Variants in DLC1 observed in about 807,000 individuals in gnomAD.
DLC1 encodes the protein DLC1 Rho GTPase activating protein.
A neutral mutation model predicts 140.3 loss-of-function variants in DLC1; 54 were observed. The observed-to-expected ratio is 0.38, with a 90% CI of 0.31 to 0.48. The LOEUF is 0.48. Among genes scored for constraint, DLC1 ranks in the 20% least tolerant of loss-of-function variants. The pLI is 0.96. For synonymous variants in DLC1, 986 were observed against 728.1 expected (o/e 1.35, Z -5.70); for missense variants, 2,536 against 1,907.0 (o/e 1.33, Z -6.14).
intron 2 of DLC1, among the ~76,000 whole-genome samples, chr8:13,405,939 TTC>T (rs1491585128): frequency 7.1e-6 from 1 of 140,910 alleles, no homozygotes; most frequent in Admixed American, 7.3e-5. Context: ...CTTTCTTTCT[TTC>T]TTTCTTTCTT....
intron 1 of DLC1, among the ~76,000 whole-genome samples, chr8:13,576,664 G>A (rs939068905): frequency 2.0e-5 from 3 of 151,790 alleles, no homozygotes; most frequent in Non-Finnish European, 2.9e-5. Context: ...GCAGAGAAAT[G>A]CCTATCTTCT....
chr8:13,427,406 T>G (rs1053176580), intron 2 of DLC1, among the ~76,000 whole-genome samples: 1 of 152,192 alleles, frequency 6.6e-6, no homozygotes. Flanking sequence ...TCCTTGACCC[T>G]GCATCATCAT....
rs117652752 is a variant in DLC1, at chr8:13,521,023, T to C, written c.-125-20827A>G. On this transcript the variant is annotated intron_variant, in intron 1 of 1. Transcript: ENST00000631382. The stretch of plus-strand genomic sequence containing the variant: ...ATTGCCCAGCCCATGAGTGATAGAC[T>C]GGTTAAAGAAAACGTGGTCCATATA... 1.4e-3 allele frequency among the ~76,000 whole-genome samples: 210 copies of C among 152,258 alleles called. 6 individuals are homozygous for C. In the East Asian group the frequency reaches 0.027, roughly 19 times the overall value.
In DLC1 at chr8:13,257,095, C is replaced by T. The variant is rs1586017010; in HGVS notation, c.1348+48174G>A. ...GATCGAGACCAAGTTCCACCCTAAA[C>T]TTCTGTAGCACTGCAATCAGGATGC... On this transcript the variant is annotated intron_variant, in intron 5 of 17. Transcript: ENST00000276297. Among the ~76,000 whole-genome samples, 12 of 152,146 alleles carry T rather than the reference C, an allele frequency of 7.9e-5. No individual in the cohort carries two copies. The South Asian group carries it at 2.5e-3, about 32-fold the overall frequency.
At position 13,579,315 on chromosome 8, in the gene DLC1, TTATATATA is replaced by T. The variant is rs369773134; in HGVS notation, c.-126+25214_-126+25221del. Among the ~76,000 whole-genome samples the T allele has an allele frequency of 7.0e-3, 75 of 10,656 alleles. 6 individuals carry two copies. Among genetic ancestry groups the T allele is most frequent in the African/African-American group, 0.021 (61 of 2,892 alleles). 7.0% of individuals were successfully genotyped at this position (10,656 alleles called of 152,430 possible). A position where few individuals can be genotyped will look rare whatever the true frequency, so the allele number is the denominator to read the frequency against. The stretch of plus-strand genomic sequence containing the variant: ...AAAGTCAGATACCACAGGTCTGACT[TTATATATA>T]TATATATATATATATATATATATAT... On this transcript the variant is annotated intron_variant, in intron 1 of 1. Transcript: ENST00000631382.
At chr8:13,464,985 G>A (rs556338412) in intron 2 of DLC1, among the ~76,000 whole-genome samples, 1 of 151,770 alleles carries the variant, frequency 6.6e-6, no homozygotes, top group Non-Finnish European at 1.5e-5. Context: ...TCCCACCTCA[G>A]CCTCCTGAGT....
chr8:13,571,196 C>G (rs80140765), intron 1 of DLC1, among the ~76,000 whole-genome samples: 5,592 of 151,742 alleles, frequency 0.037, 322 homozygotes, highest in African/African-American at 0.13. Context: ...CTTTTTTTTC[C>G]TTTTGTTTTT....
intron 5 of DLC1, among the ~76,000 whole-genome samples, chr8:13,116,926 C>G (rs1820602164): frequency 6.6e-6 from 1 of 152,198 alleles, no homozygotes; most frequent in Admixed American, 6.5e-5. Flanking sequence ...TTATTCAACC[C>G]AAGACTTAGG....
Position 13,118,625 on chromosome 8 carries a change from C to T in DLC1, c.1349-2968G>A, listed in dbSNP as rs184667714. On this transcript the variant is annotated intron_variant, in intron 5 of 17. Coordinates refer to ENST00000276297, the MANE Select transcript of DLC1 (RefSeq NM_182643.3). ...GAAAATGGAATACTTGTTGACCTCA[C>T]GCCTACACTTTCCAATTCATAGGTC... is the stretch of plus-strand genomic sequence containing the variant. 5.4e-4 allele frequency among the ~76,000 whole-genome samples: 82 copies of T among 152,274 alleles called. No individual in the cohort carries two copies. In the East Asian group the frequency reaches 7.3e-3, roughly 14 times the overall value.
At chr8:13,352,558 T>C (rs1834726386) in intron 4 of DLC1, among the ~76,000 whole-genome samples, 1 of 151,966 alleles carries the variant, frequency 6.6e-6, no homozygotes, top group African/African-American at 2.4e-5. Flanking sequence ...ATTTTTTATT[T>C]TTTGTAGAGA....
rs181558893 is a variant in DLC1, at chr8:13,254,923, C to G, written c.1348+50346G>C. Among the ~76,000 whole-genome samples the G allele has an allele frequency of 9.8e-4, 149 of 152,220 alleles. 1 individual carries two copies. The highest frequency in any genetic ancestry group is 9.4e-3 in the Admixed American group (144 of 15,276). ...GGGGATCTGGATTTTAATTCTGACTCCTTGAGTTACTATATGATCTTGGAA... is the reference window on the plus strand; with the variant it reads ...GGGGATCTGGATTTTAATTCTGACTGCTTGAGTTACTATATGATCTTGGAA... On this transcript the variant is annotated intron_variant, in intron 5 of 17. Transcript: ENST00000276297.
chr8:13,505,454 C>G (rs1802015612), intron 1 of DLC1, among the ~76,000 whole-genome samples: 1 of 152,082 alleles, frequency 6.6e-6, no homozygotes, highest in African/African-American at 2.4e-5. Context: ...GTGCCATTTG[C>G]TAAGAAAGTC....
intron 1 of DLC1, among the ~76,000 whole-genome samples, chr8:13,548,663 T>A (rs913446016): frequency 2.6e-5 from 4 of 152,052 alleles, no homozygotes; most frequent in Admixed American, 6.6e-5. Context: ...TTGGCAATTC[T>A]ACGGATTTAA....
At chr8:13,283,886 C>T (rs1831452524) in intron 5 of DLC1, among the ~76,000 whole-genome samples, 1 of 152,236 alleles carries the variant, frequency 6.6e-6, no homozygotes, top group East Asian at 1.9e-4. Flanking sequence ...GACAGAGTAT[C>T]AAAGAAGATG....
chr8:13,239,780 G>A (rs1829463208), intron 5 of DLC1, among the ~76,000 whole-genome samples: 1 of 152,264 alleles, frequency 6.6e-6, no homozygotes, highest in Admixed American at 6.5e-5. Context: ...TCCAGAAGAA[G>A]ACTGTCAAAA....
At chr8:13,377,296 C>A (rs1336100019) in intron 4 of DLC1, among the ~76,000 whole-genome samples, 1 of 152,120 alleles carries the variant, frequency 6.6e-6, no homozygotes, top group African/African-American at 2.4e-5. Flanking sequence ...TGGAAGTAAT[C>A]ATGCATATGT....
At chr8:13,189,947 G>C (rs1013569147) in intron 5 of DLC1, among the ~76,000 whole-genome samples, 74 of 151,986 alleles carry the variant, frequency 4.9e-4, no homozygotes, top group African/African-American at 1.7e-3. Context: ...CTTCAGCCAG[G>C]TGAGAGAGAG....
At chr8:13,477,562 C>T (rs1465516020) in intron 2 of DLC1, among the ~76,000 whole-genome samples, 1 of 152,128 alleles carries the variant, frequency 6.6e-6, no homozygotes, top group Non-Finnish European at 1.5e-5. Flanking sequence ...TAGGTTAGTG[C>T]TTTTACAAAT....
chr8:13,321,547 AAAAAAAAAAAAAAAAAAAAG>A (rs1833119923), intron 4 of DLC1, among the ~76,000 whole-genome samples: 2 of 147,108 alleles, frequency 1.4e-5, no homozygotes, highest in Non-Finnish European at 3.0e-5. Context: ...AAAAAAGAAA[AAAAAAAAAAAAAAAAAAAAG>A]AAACCTAAAC....
Sources: allele counts gnomAD v4.1 joint callset (sites outside exome capture counted in the v4.1 genomes callset), GRCh38; gene constraint gnomAD v4.1.1; transcripts MANE v1.5; gene names NCBI Gene and HGNC (gene_info 2026-07-23, HGNC 2026-07-21).